Variants in OSBPL10 observed in about 807,000 individuals in gnomAD.
The protein encoded by OSBPL10 is oxysterol binding protein like 10, also known as oxysterol-binding protein-related protein 10.
OSBPL10 carries 49 observed loss-of-function variants against 81.7 expected under a neutral mutation model. The ratio of observed to expected loss-of-function variants is 0.60; its 90% CI spans 0.48 to 0.76. The LOEUF is 0.76. Ranked by LOEUF, OSBPL10 falls within the 30% of genes least tolerant of loss-of-function variation. The pLI is 0.00. For synonymous variants in OSBPL10, 419 were observed against 383.6 expected (o/e 1.09, Z -1.08); for missense variants, 923 against 987.8 (o/e 0.93, Z 0.88).
chr3:32,036,296 C>T (rs571313429), intron 2 of OSBPL10, among the ~76,000 whole-genome samples: 118 of 152,268 alleles, frequency 7.7e-4, no homozygotes, highest in Non-Finnish European at 1.3e-3. Context: ...CATCCTCCTG[C>T]GTTGGTTTCC....
Position 31,898,006 on chromosome 3 carries a change from C to CAA in OSBPL10, c.282-18178_282-18177dup, listed in dbSNP as rs58479197. Among the ~76,000 whole-genome samples the CAA allele has an allele frequency of 4.8e-3, 302 of 62,446 alleles. 38 individuals are homozygous for CAA. The highest frequency in any genetic ancestry group is 7.1e-3 in the Non-Finnish European group (224 of 31,448). The allele number at this position is 62,446 out of a possible 152,430, so 41.0% of individuals were successfully genotyped here. On this transcript the variant is annotated intron_variant, in intron 1 of 11. Coordinates refer to ENST00000396556, the MANE Select transcript of OSBPL10 (RefSeq NM_017784.5). The stretch of plus-strand genomic sequence containing the variant: ...TTGGGTGACACAGCGAGAACTCTGT[C>CAA]AAAAAAAAAAAAAAAAAAAAAAAAA...
chr3:31,729,879 T>C (rs1275181583), intron 6 of OSBPL10, among the ~76,000 whole-genome samples: 2 of 152,154 alleles, frequency 1.3e-5, no homozygotes, highest in Non-Finnish European at 2.9e-5. Context: ...CAACTGCCTC[T>C]AAACACTCCA....
chr3:31,810,510 A>G (rs78914304), intron 4 of OSBPL10, among the ~76,000 whole-genome samples: 2,906 of 152,208 alleles, frequency 0.019, 91 homozygotes, highest in African/African-American at 0.065. Context: ...TAACACAGCT[A>G]AAAACATCCC....
chr3:31,990,396 A>G (rs184552233), intron 2 of OSBPL10: 9 of 1,614,138 alleles, frequency 5.6e-6, no homozygotes, highest in Non-Finnish European at 7.6e-6. Flanking sequence ...GACGTCGTTC[A>G]TATCTCGTAG....
intron 1 of OSBPL10, among the ~76,000 whole-genome samples, chr3:31,941,917 C>A (rs1365403703): frequency 6.6e-6 from 1 of 152,190 alleles, no homozygotes; most frequent in African/African-American, 2.4e-5. Flanking sequence ...CATTCCAGAA[C>A]TATTATCGGC....
At chr3:32,004,516 A>G (rs1699184318) in intron 2 of OSBPL10, among the ~76,000 whole-genome samples, 1 of 152,230 alleles carries the variant, frequency 6.6e-6, no homozygotes, top group Non-Finnish European at 1.5e-5. Flanking sequence ...CTTGCTTTTC[A>G]ATTTTGAGCC....
At chr3:31,904,638 A>C (rs1366239742) in intron 1 of OSBPL10, among the ~76,000 whole-genome samples, 1 of 152,124 alleles carries the variant, frequency 6.6e-6, no homozygotes, top group African/African-American at 2.4e-5. Context: ...GGTCACTCAG[A>C]TCCTCCTAGG....
At chr3:31,936,968 T>C (rs1405231580) in intron 1 of OSBPL10, among the ~76,000 whole-genome samples, 5 of 152,182 alleles carry the variant, frequency 3.3e-5, no homozygotes, top group Admixed American at 2.6e-4. Flanking sequence ...TTATTCACTC[T>C]TCCAGTAAAC....
chr3:31,763,976 C>T (rs1381374838), intron 4 of OSBPL10, among the ~76,000 whole-genome samples: 1 of 152,212 alleles, frequency 6.6e-6, no homozygotes, highest in East Asian at 1.9e-4. Flanking sequence ...AATGACACTG[C>T]AGTCACCATT....
At chr3:31,975,152 GAATA>G (rs1232846976) in intron 1 of OSBPL10, among the ~76,000 whole-genome samples, 8 of 152,124 alleles carry the variant, frequency 5.3e-5, no homozygotes, top group African/African-American at 1.9e-4. Context: ...AACCATAAGT[GAATA>G]AACAATATTA....
intron 2 of OSBPL10, among the ~76,000 whole-genome samples, chr3:32,010,446 A>C (rs947396487): frequency 2.0e-5 from 3 of 152,184 alleles, no homozygotes; most frequent in Non-Finnish European, 4.4e-5. Flanking sequence ...AAGGAATAAA[A>C]GTTAAAAGGG....
rs776267549 is a variant in OSBPL10 at position 31,664,175 on chromosome 3, G to C, written c.2154C>G (p.Thr718=). ...YLRLGDIDAA[T]EQKRHLEEKQ... is the part of the protein sequence containing the mutation. Reference sequence around the variant, plus strand: ...TCTCCTCCAGGTGCCGCTTCTGCTCGGTGGCTGCGTCAATGTCCCCCAGCC... The same window carrying C: ...TCTCCTCCAGGTGCCGCTTCTGCTCCGTGGCTGCGTCAATGTCCCCCAGCC... The change falls in exon 11 of 12, where the codon ACC becomes ACG. Residue 718 remains threonine, a synonymous_variant. Coordinates refer to ENST00000396556, the MANE Select transcript of OSBPL10 (RefSeq NM_017784.5). 1.2e-6 allele frequency: 2 copies of C among 1,613,460 alleles called. No homozygotes were observed. The highest frequency in any genetic ancestry group is 1.7e-5 in the Admixed American group (1 of 59,998).
At chr3:31,721,038 T>C (rs1314772920) in intron 6 of OSBPL10, among the ~76,000 whole-genome samples, 3 of 152,164 alleles carry the variant, frequency 2.0e-5, no homozygotes, top group Admixed American at 6.6e-5. Flanking sequence ...GGGTAAGCTC[T>C]GTGTAATCAC....
At chr3:31,757,712 T>C (rs1165139498) in intron 4 of OSBPL10, among the ~76,000 whole-genome samples, 1 of 152,232 alleles carries the variant, frequency 6.6e-6, no homozygotes, top group Admixed American at 6.5e-5. Context: ...CAAAAGTTCC[T>C]TCAAAGCAAT....
At chr3:31,919,792 A>G (rs114146989) in intron 1 of OSBPL10, among the ~76,000 whole-genome samples, 226 of 152,388 alleles carry the variant, frequency 1.5e-3, no homozygotes, top group Non-Finnish European at 2.4e-3. Context: ...GAAAACAGGA[A>G]GTACAACACA....
intron 1 of OSBPL10, among the ~76,000 whole-genome samples, chr3:31,967,394 C>G (rs935395721): frequency 6.6e-6 from 1 of 151,974 alleles, no homozygotes; most frequent in African/African-American, 2.4e-5. Flanking sequence ...GCAGGAGGAT[C>G]GCTTGAACCC....
chr3:31,705,209 C>T lies in OSBPL10; in HGVS notation c.1096-2701G>A, dbSNP rs181016891. 3.3e-3 allele frequency among the ~76,000 whole-genome samples: 500 copies of T among 152,328 alleles called. 17 individuals carry two copies. Among genetic ancestry groups the T allele is most frequent in the Non-Finnish European group, 6.3e-4 (43 of 68,034 alleles). ...TTTTCTCTCCCACAGCCTCTGAGAACTTGCCCTTTCTCTCCCAATGTGATT... is the reference window on the plus strand; with the variant it reads ...TTTTCTCTCCCACAGCCTCTGAGAATTTGCCCTTTCTCTCCCAATGTGATT... On this transcript the variant is annotated intron_variant, in intron 6 of 11. Coordinates refer to ENST00000396556, the MANE Select transcript of OSBPL10 (RefSeq NM_017784.5).
intron 1 of OSBPL10, among the ~76,000 whole-genome samples, chr3:31,957,213 G>A (rs1698033736): frequency 6.6e-6 from 1 of 152,080 alleles, no homozygotes. Flanking sequence ...AGAACTTTTT[G>A]TTTTTTTAAC....
At chr3:31,689,790 G>A (rs11924217) in intron 7 of OSBPL10, among the ~76,000 whole-genome samples, 66,054 of 152,106 alleles carry the variant, frequency 0.43, 16,860 homozygotes, top group Middle Eastern at 0.66. Flanking sequence ...ATGATTGTGA[G>A]GCCTCCCCAG....
Sources: allele counts gnomAD v4.1 joint callset (sites outside exome capture counted in the v4.1 genomes callset), GRCh38; gene constraint gnomAD v4.1.1; transcripts MANE v1.5; gene names NCBI Gene and HGNC (gene_info 2026-07-23, HGNC 2026-07-21).